The following KIRREL3 variants were observed in gnomAD, a reference collection of about 807,000 sequenced individuals.
KIRREL3 encodes kirre like nephrin family adhesion molecule 3.
A neutral mutation model predicts 89.7 loss-of-function variants in KIRREL3; 36 were observed. That is an observed-to-expected ratio of 0.40 (90% CI 0.31 to 0.53). The LOEUF (loss-of-function observed/expected upper bound fraction) is 0.53. Ranked by LOEUF, KIRREL3 falls within the 20% of genes least tolerant of loss-of-function variation. The pLI is 0.49. For synonymous variants in KIRREL3, 445 were observed against 441.4 expected (o/e 1.01, Z -0.10); for missense variants, 864 against 1,056.6 (o/e 0.82, Z 2.53).
At chr11:126,901,667 T>C (rs1314345589) in intron 1 of KIRREL3, among the ~76,000 whole-genome samples, 2 of 152,342 alleles carry the variant, frequency 1.3e-5, no homozygotes, top group South Asian at 4.1e-4. Flanking sequence ...AAAGCCATCA[T>C]ATATGATGTC....
intron 1 of KIRREL3, among the ~76,000 whole-genome samples, chr11:126,866,774 C>G (rs746621528): frequency 9.2e-5 from 14 of 152,104 alleles, no homozygotes; most frequent in Non-Finnish European, 1.6e-4. Context: ...ATGACGCAGA[C>G]GCGAGGAGAA....
chr11:126,776,586 A>C lies in KIRREL3; in HGVS notation c.56-213674T>G, dbSNP rs1488605252. ...AAGAGAGATTGAGTCCTTCTCTAGCAATAAGACCTAGCATGACTCAAAAGC... is the reference window on the plus strand; with the variant it reads ...AAGAGAGATTGAGTCCTTCTCTAGCCATAAGACCTAGCATGACTCAAAAGC... On this transcript the variant is annotated intron_variant, in intron 1 of 16. Transcript: ENST00000525144. This position sits in a 1 kb window ranked among gnomAD's most constrained non-coding sequence, Gnocchi z 4.7. 2.6e-5 allele frequency among the ~76,000 whole-genome samples: 4 copies of C among 152,210 alleles called. No homozygotes were observed. Among genetic ancestry groups the C allele is most frequent in the Non-Finnish European group, 1.5e-5 (1 of 68,022 alleles).
chr11:126,511,327 GAA>G (rs34288117), intron 4 of KIRREL3, among the ~76,000 whole-genome samples: 97 of 145,306 alleles, frequency 6.7e-4, no homozygotes, highest in African/African-American at 1.9e-3. Context: ...CCATCTCAAA[GAA>G]AAAAAAAAAA....
In KIRREL3 at chr11:126,987,250, A is replaced by G. The variant is rs928067159; in HGVS notation, c.55+13205T>C. Among the ~76,000 whole-genome samples, 10 of 152,336 alleles carry G rather than the reference A, an allele frequency of 6.6e-5. No homozygotes were observed. Among genetic ancestry groups the G allele is most frequent in the African/African-American group, 2.4e-4 (10 of 41,576 alleles). On this transcript the variant is annotated intron_variant, in intron 1 of 16. Coordinates refer to ENST00000525144, the MANE Select transcript of KIRREL3 (RefSeq NM_032531.4). This position sits in a 1 kb window ranked among gnomAD's most constrained non-coding sequence, Gnocchi z 4.6. ...CCACAAAGATTCCTTTTCCATTGCA[A>G]TTGTGAGTGAGCAAATCTAGCAGAG...
At chr11:126,758,444 G>A (rs774620597) in intron 1 of KIRREL3, among the ~76,000 whole-genome samples, 2 of 152,198 alleles carry the variant, frequency 1.3e-5, no homozygotes, top group Non-Finnish European at 2.9e-5. Context: ...GGCAGCCCTC[G>A]TTAATTCCAA....
intron 13 of KIRREL3, 51 bp downstream of exon 13, chr11:126,435,217 G>T: frequency 6.2e-7 from 1 of 1,602,516 alleles, no homozygotes; most frequent in Non-Finnish European, 8.5e-7. Context: ...CAGCTAGCCA[G>T]GAAGTCCCTT....
chr11:126,487,224 A>G (rs563910342), intron 4 of KIRREL3, among the ~76,000 whole-genome samples: 3 of 152,200 alleles, frequency 2.0e-5, no homozygotes, highest in Non-Finnish European at 4.4e-5. Flanking sequence ...ACAGGCCAGC[A>G]GGGCAGGCAG....
Position 126,696,218 on chromosome 11 carries a change from C to T in KIRREL3, c.56-133306G>A, listed in dbSNP as rs1282860366. Among the ~76,000 whole-genome samples, 1 of 151,402 alleles carries T rather than the reference C, an allele frequency of 6.6e-6. No homozygotes were observed. Among genetic ancestry groups the T allele is most frequent in the African/African-American group, 2.4e-5 (1 of 41,106 alleles). On this transcript the variant is annotated intron_variant, in intron 1 of 16. Transcript: ENST00000525144. This position sits in a 1 kb window ranked among gnomAD's most constrained non-coding sequence, Gnocchi z 4.4. Reference sequence around the variant, plus strand: ...GTTGCAGTGAGCCAACATCCCGCCACTCCACTCCAGCCTGGGCCACTGAGC... The same window carrying T: ...GTTGCAGTGAGCCAACATCCCGCCATTCCACTCCAGCCTGGGCCACTGAGC...
In KIRREL3 at chr11:126,514,841, ACAC is replaced by A. The variant is rs1005705474; in HGVS notation, c.433+6471_433+6473del. Among the ~76,000 whole-genome samples the A allele has an allele frequency of 2.5e-4, 37 of 146,502 alleles. No individual in the cohort carries two copies. In the Admixed American group the frequency reaches 2.6e-3, roughly 10 times the overall value. ...ACACAACACAACACAACACAACACA[ACAC>A]AACACAACACAACACAACACAACAA... is the stretch of plus-strand genomic sequence containing the variant. On this transcript the variant is annotated intron_variant, in intron 4 of 16. Transcript: ENST00000525144.
intron 7 of KIRREL3, among the ~76,000 whole-genome samples, chr11:126,450,920 T>C (rs1417117751): frequency 6.6e-6 from 1 of 151,396 alleles, no homozygotes; most frequent in African/African-American, 2.4e-5. Context: ...TGTGTCCACG[T>C]GCATGTGTGC....
chr11:126,671,002 T>C (rs1373698669), intron 1 of KIRREL3, among the ~76,000 whole-genome samples: 2 of 152,116 alleles, frequency 1.3e-5, no homozygotes, highest in African/African-American at 2.4e-5. Flanking sequence ...TGGAACAGGA[T>C]AGAGAGCCCA....
In KIRREL3 at chr11:126,905,570, C is replaced by T. The variant is rs767758782; in HGVS notation, c.55+94885G>A. Among the ~76,000 whole-genome samples, 7 of 152,060 alleles carry T rather than the reference C, an allele frequency of 4.6e-5. No homozygotes were observed. Among genetic ancestry groups the T allele is most frequent in the Non-Finnish European group, 1.0e-4 (7 of 68,016 alleles). On this transcript the variant is annotated intron_variant, in intron 1 of 16. Transcript: ENST00000525144. The surrounding 1 kb of genome is among the most constrained non-coding windows in gnomAD (Gnocchi z 5.0). ...AGGGATCTTTCATTTTGGGCCTTATCGAACCTGTCCCGCTTGTGACCCACA... is the reference window on the plus strand; with the variant it reads ...AGGGATCTTTCATTTTGGGCCTTATTGAACCTGTCCCGCTTGTGACCCACA...
Position 126,609,663 on chromosome 11 carries a change from G to A in KIRREL3, c.56-46751C>T, listed in dbSNP as rs978412662. 2.0e-5 allele frequency among the ~76,000 whole-genome samples: 3 copies of A among 152,108 alleles called. No individual in the cohort carries two copies. The highest frequency in any genetic ancestry group is 4.4e-5 in the Non-Finnish European group (3 of 68,016). On this transcript the variant is annotated intron_variant, in intron 1 of 16. Transcript: ENST00000525144. This position sits in a 1 kb window ranked among gnomAD's most constrained non-coding sequence, Gnocchi z 5.0. ...ACTGGGATCGTGTTCTGGGGGTTCC[G>A]AACTTTGGCTGCATATTGGAATTAT...
chr11:126,539,989 C>T (rs914356247), intron 2 of KIRREL3, among the ~76,000 whole-genome samples: 1 of 152,172 alleles, frequency 6.6e-6, no homozygotes, highest in Non-Finnish European at 1.5e-5. Flanking sequence ...ACATCTAAAT[C>T]TTGTTGAGGT....
At chr11:126,959,250 A>G (rs1949011570) in intron 1 of KIRREL3, among the ~76,000 whole-genome samples, 1 of 152,214 alleles carries the variant, frequency 6.6e-6, no homozygotes, top group Non-Finnish European at 1.5e-5. Flanking sequence ...ACCAATTTTT[A>G]AACAGTAATT....
chr11:126,480,773 G>A (rs886879299), intron 4 of KIRREL3, among the ~76,000 whole-genome samples: 4 of 152,236 alleles, frequency 2.6e-5, no homozygotes, highest in African/African-American at 7.2e-5. Context: ...CGCAGTTGGT[G>A]CTTTGGCGAT....
In KIRREL3 at chr11:126,550,132, T is replaced by G. The variant is rs1040343657; in HGVS notation, c.133+12703A>C. On this transcript the variant is annotated intron_variant, in intron 2 of 16. Transcript: ENST00000525144. The surrounding 1 kb of genome is among the most constrained non-coding windows in gnomAD (Gnocchi z 4.9). Reference sequence around the variant, plus strand: ...TCCTTGGGGGCAGGGACTGTGTTTTTACATGCACAGCGCCAGGCACAGAGC... The same window carrying G: ...TCCTTGGGGGCAGGGACTGTGTTTTGACATGCACAGCGCCAGGCACAGAGC... The G allele has an allele frequency of 6.6e-6, 1 of 152,228 alleles. No homozygotes were observed. Among genetic ancestry groups the G allele is most frequent in the Non-Finnish European group, 1.5e-5 (1 of 68,062 alleles). The allele number at this position is 152,228 out of a possible 1,614,324, so 9.4% of individuals were successfully genotyped here.
At chr11:126,932,849 A>G (rs1309175566) in intron 1 of KIRREL3, among the ~76,000 whole-genome samples, 1 of 152,226 alleles carries the variant, frequency 6.6e-6, no homozygotes, top group East Asian at 1.9e-4. Flanking sequence ...ACACAATATG[A>G]TCTAATAATT....
chr11:126,993,076 T>A lies in KIRREL3; in HGVS notation c.55+7379A>T, dbSNP rs566889092. On this transcript the variant is annotated intron_variant, in intron 1 of 16. Coordinates refer to ENST00000525144, the MANE Select transcript of KIRREL3 (RefSeq NM_032531.4). This position sits in a 1 kb window ranked among gnomAD's most constrained non-coding sequence, Gnocchi z 6.1. ...TAGAAAGAACGATTAAAAAGTATAT[T>A]TCCATTCAATTTTACATTTTTAGCC... 6.6e-6 allele frequency among the ~76,000 whole-genome samples: 1 copy of A among 151,930 alleles called. No individual in the cohort carries two copies. The highest frequency in any genetic ancestry group is 2.1e-4 in the South Asian group (1 of 4,796).
Sources: allele counts gnomAD v4.1 joint callset (sites outside exome capture counted in the v4.1 genomes callset), GRCh38; gene constraint gnomAD v4.1.1; non-coding constraint Gnocchi (gnomAD v3.1); transcripts MANE v1.5; gene names NCBI Gene and HGNC (gene_info 2026-07-23, HGNC 2026-07-21).